LDLRAD4: variants seen among roughly 807,000 people sequenced by gnomAD.
LDLRAD4 encodes low-density lipoprotein receptor class A domain-containing protein 4.
LDLRAD4 carries 5 observed loss-of-function variants against 17.0 expected under a neutral mutation model. The ratio of observed to expected loss-of-function variants is 0.29; its 90% confidence interval spans 0.15 to 0.62. LDLRAD4 has a LOEUF of 0.62. Ranked by LOEUF, LDLRAD4 falls within the 20% of genes least tolerant of loss-of-function variation. The probability of loss-of-function intolerance (pLI) is 0.84; values close to 1 mark genes in which losing one functional copy is unlikely to be tolerated. For missense variants in LDLRAD4, 340 were observed against 424.7 expected, an observed-to-expected ratio of 0.80 and a Z score of 1.75; for synonymous variants, 168 against 171.8, an observed-to-expected ratio of 0.98 and a Z score of 0.17.
intron 3 of LDLRAD4, among the ~76,000 whole-genome samples, chr18:13,464,361 T>C (rs1278188987): frequency 6.6e-6 from 1 of 152,252 alleles, no homozygotes; most frequent in Non-Finnish European, 1.5e-5. Flanking sequence ...GAGCAAAGAA[T>C]AGTAATTTTC....
At chr18:13,436,817 G>A (rs1453307181) in intron 2 of LDLRAD4, among the ~76,000 whole-genome samples, 1 of 152,238 alleles carries the variant, frequency 6.6e-6, no homozygotes, top group Admixed American at 6.5e-5. Context: ...CTAGCGAGGC[G>A]CTTGTGGGTG....
rs74797007 is a variant in LDLRAD4 at position 13,370,396 on chromosome 18, G to C, written c.-382-16945G>C. Among the ~76,000 whole-genome samples, 1,025 of 152,290 alleles carry C rather than the reference G, an allele frequency of 6.7e-3. 12 individuals carry two copies. Among genetic ancestry groups the C allele is most frequent in the African/African-American group, 0.024 (981 of 41,554 alleles). ...TTGCTGTGCTGGATGGACACCGAGG[G>C]GAACAGGCTGAGGATGGACCTGTGG... On this transcript the variant is annotated intron_variant, in intron 1 of 5. Coordinates refer to ENST00000359446, the Ensembl canonical transcript of LDLRAD4.
chr18:13,511,369 G>A (rs747425957), intron 3 of LDLRAD4, among the ~76,000 whole-genome samples: 1 of 152,044 alleles, frequency 6.6e-6, no homozygotes. Flanking sequence ...AAAATTAGCC[G>A]GGCATGGTCT....
chr18:13,249,817 T>C (rs1317014381), intron 1 of LDLRAD4, among the ~76,000 whole-genome samples: 2 of 152,218 alleles, frequency 1.3e-5, no homozygotes, highest in Non-Finnish European at 2.9e-5. Context: ...TTATAAATTT[T>C]TTCCCTGGAC....
At chr18:13,558,466 A>C (rs1289965338) in intron 3 of LDLRAD4, among the ~76,000 whole-genome samples, 1 of 152,244 alleles carries the variant, frequency 6.6e-6, no homozygotes, top group Admixed American at 6.5e-5. Context: ...GGCTACAGAC[A>C]TCCCAGCTTA....
At chr18:13,579,745 C>CTG (rs1324023547) in intron 3 of LDLRAD4, among the ~76,000 whole-genome samples, 4 of 152,188 alleles carry the variant, frequency 2.6e-5, no homozygotes, top group African/African-American at 9.7e-5. Context: ...ATTAAAGAGA[C>CTG]TGTTGCAAGT....
chr18:13,563,640 G>A (rs1161129738), intron 3 of LDLRAD4, among the ~76,000 whole-genome samples: 1 of 152,186 alleles, frequency 6.6e-6, no homozygotes, highest in Admixed American at 6.5e-5. Flanking sequence ...ACATTAATGC[G>A]TCAGCAGGAC....
At chr18:13,523,895 A>G (rs930101862) in intron 3 of LDLRAD4, among the ~76,000 whole-genome samples, 2 of 152,102 alleles carry the variant, frequency 1.3e-5, no homozygotes, top group African/African-American at 4.8e-5. Flanking sequence ...CTGGGTCTCT[A>G]GCATTCCTGG....
intron 1 of LDLRAD4, among the ~76,000 whole-genome samples, chr18:13,370,452 A>C (rs1228815021): frequency 6.6e-6 from 1 of 152,058 alleles, no homozygotes; most frequent in Non-Finnish European, 1.5e-5. Context: ...ATTTAAATCT[A>C]ATTTTCAGTT....
intron 1 of LDLRAD4, among the ~76,000 whole-genome samples, chr18:13,382,235 CCT>C (rs1599811705): frequency 1.3e-5 from 2 of 152,318 alleles, no homozygotes; most frequent in East Asian, 3.9e-4. Flanking sequence ...CCTCCGTGCC[CCT>C]GTGTGACCCT....
At chr18:13,231,786 A>C (rs895082699) in intron 1 of LDLRAD4, among the ~76,000 whole-genome samples, 12 of 152,212 alleles carry the variant, frequency 7.9e-5, no homozygotes, top group East Asian at 1.9e-4. Flanking sequence ...ACAAATAATC[A>C]ATGAAATGTA....
chr18:13,572,763 C>G (rs925441675), intron 3 of LDLRAD4, among the ~76,000 whole-genome samples: 9 of 152,222 alleles, frequency 5.9e-5, no homozygotes, highest in Admixed American at 2.6e-4. Flanking sequence ...TTGTTGACCC[C>G]TCTTTCATCC....
chr18:13,457,280 A>G (rs2146490243), intron 3 of LDLRAD4, among the ~76,000 whole-genome samples: 1 of 152,324 alleles, frequency 6.6e-6, no homozygotes, highest in Non-Finnish European at 1.5e-5. Flanking sequence ...AGTTTGCTCC[A>G]AGGATATTGC....
intron 3 of LDLRAD4, among the ~76,000 whole-genome samples, chr18:13,504,591 C>T (rs2093661978): frequency 6.6e-6 from 1 of 152,116 alleles, no homozygotes; most frequent in South Asian, 2.1e-4. Flanking sequence ...TCACGCCTGG[C>T]TAATTTTTGT....
intron 2 of LDLRAD4, among the ~76,000 whole-genome samples, chr18:13,427,665 G>C (rs929193150): frequency 6.6e-6 from 1 of 152,216 alleles, no homozygotes; most frequent in Non-Finnish European, 1.5e-5. Flanking sequence ...TGACTGGGTA[G>C]GGACAGATGG....
intron 3 of LDLRAD4, among the ~76,000 whole-genome samples, chr18:13,529,277 G>C (rs1455648989): frequency 6.6e-6 from 1 of 152,196 alleles, no homozygotes; most frequent in Non-Finnish European, 1.5e-5. Context: ...CTAGCTACTT[G>C]GGAGATTCAG....
chr18:13,445,086 C>G (rs2091296941), intron 3 of LDLRAD4, among the ~76,000 whole-genome samples: 1 of 152,282 alleles, frequency 6.6e-6, no homozygotes, highest in East Asian at 1.9e-4. Flanking sequence ...GTGCGTGTGA[C>G]CAGTCAGGGC....
chr18:13,586,378 G>A (rs936963381), intron 3 of LDLRAD4, among the ~76,000 whole-genome samples: 11 of 104,736 alleles, frequency 1.1e-4, no homozygotes, highest in Non-Finnish European at 1.8e-4. Context: ...CTGCACTTCA[G>A]CCTGGGTGAC....
intron 3 of LDLRAD4, among the ~76,000 whole-genome samples, chr18:13,493,028 A>G (rs2093391099): frequency 6.6e-6 from 1 of 152,164 alleles, no homozygotes; most frequent in Non-Finnish European, 1.5e-5. Flanking sequence ...CTGAGGCAGG[A>G]GGATCACTTG....
Sources: allele counts gnomAD v4.1 joint callset (sites outside exome capture counted in the v4.1 genomes callset), GRCh38; gene constraint gnomAD v4.1.1; transcripts MANE v1.5; gene names NCBI Gene and HGNC (gene_info 2026-07-23, HGNC 2026-07-21).